Variants in KCNIP4 observed in about 807,000 individuals in gnomAD.
The protein encoded by KCNIP4 is potassium voltage-gated channel interacting protein 4, also known as Kv channel-interacting protein 4.
In KCNIP4, 12 loss-of-function variants were observed where a neutral mutation model predicts 34.0. That is an observed-to-expected ratio of 0.35 (90% CI 0.23 to 0.57). KCNIP4 has a LOEUF of 0.57. KCNIP4 is among the 20% of genes least tolerant of loss of function. KCNIP4 has a pLI of 0.83. For missense variants in KCNIP4, 238 were observed against 311.7 expected (o/e 0.76, Z 1.78); for synonymous variants, 124 against 102.2 (o/e 1.21, Z -1.29).
chr4:21,262,296 G>T (rs142790118), intron 1 of KCNIP4, among the ~76,000 whole-genome samples: 2 of 152,090 alleles, frequency 1.3e-5, no homozygotes, highest in African/African-American at 4.8e-5. Context: ...ATCACCTTGG[G>T]TTGCCCTCTT....
At position 20,803,470 on chromosome 4, in the gene KCNIP4, C is replaced by CAAAAAAA. The variant is rs551176038; in HGVS notation, c.289-44587_289-44581dup. Among the ~76,000 whole-genome samples the CAAAAAAA allele has an allele frequency of 3.7e-4, 32 of 85,884 alleles. 2 individuals are homozygous for CAAAAAAA. The highest frequency in any genetic ancestry group is 6.7e-4 in the African/African-American group (13 of 19,418). The allele number at this position is 85,884 out of a possible 152,430, so 56.3% of individuals were successfully genotyped here. Reference sequence around the variant, plus strand: ...GAACATGGCAAAACCTCATCTTTACCAAAAAAAAAAAAAAAAAAAAAAAAA... The same window carrying CAAAAAAA: ...GAACATGGCAAAACCTCATCTTTACCAAAAAAAAAAAAAAAAAAAAAAAAAAAAAAAA... On this transcript the variant is annotated intron_variant, in intron 3 of 8. Transcript: ENST00000382152.
chr4:20,934,979 G>A (rs1019678105), intron 1 of KCNIP4, among the ~76,000 whole-genome samples: 2 of 152,126 alleles, frequency 1.3e-5, no homozygotes, highest in African/African-American at 4.8e-5. Flanking sequence ...CTGACTTTAA[G>A]CAACATCACT....
chr4:21,305,609 T>G (rs1712373889), intron 1 of KCNIP4, among the ~76,000 whole-genome samples: 2 of 152,214 alleles, frequency 1.3e-5, no homozygotes, highest in Admixed American at 1.3e-4. Flanking sequence ...AGAACAAAGT[T>G]GAAGCTCCTT....
At chr4:21,028,871 T>C (rs1740769278) in intron 1 of KCNIP4, among the ~76,000 whole-genome samples, 1 of 152,164 alleles carries the variant, frequency 6.6e-6, no homozygotes, top group Non-Finnish European at 1.5e-5. Flanking sequence ...TTCCAACCAA[T>C]GTAGTTTGGA....
intron 1 of KCNIP4, among the ~76,000 whole-genome samples, chr4:21,861,892 C>T (rs1725099018): frequency 6.6e-6 from 1 of 152,094 alleles, no homozygotes; most frequent in South Asian, 2.1e-4. Context: ...GAGTAAAACC[C>T]CATCTTAACC....
At chr4:21,759,866 C>G (rs1717927091) in intron 1 of KCNIP4, among the ~76,000 whole-genome samples, 1 of 151,968 alleles carries the variant, frequency 6.6e-6, no homozygotes, top group Non-Finnish European at 1.5e-5. Flanking sequence ...AATTATAACA[C>G]AAGTCAAAGT....
intron 1 of KCNIP4, among the ~76,000 whole-genome samples, chr4:21,671,570 A>C (rs1418458954): frequency 6.6e-6 from 1 of 152,170 alleles, no homozygotes; most frequent in Non-Finnish European, 1.5e-5. Flanking sequence ...ATCACATTTC[A>C]ACTGTCATCA....
intron 1 of KCNIP4, among the ~76,000 whole-genome samples, chr4:21,395,047 A>C (rs1343606773): frequency 1.3e-5 from 2 of 152,178 alleles, no homozygotes; most frequent in African/African-American, 4.8e-5. Context: ...TGAATATAGA[A>C]AACTTAACAC....
intron 1 of KCNIP4, among the ~76,000 whole-genome samples, chr4:21,168,081 G>A (rs1405465329): frequency 3.9e-5 from 6 of 152,226 alleles, no homozygotes; most frequent in African/African-American, 1.4e-4. Context: ...TTAAATAAAA[G>A]GTGTTTCTAA....
chr4:21,555,041 G>C (rs888821658), intron 1 of KCNIP4, among the ~76,000 whole-genome samples: 1 of 152,016 alleles, frequency 6.6e-6, no homozygotes, highest in East Asian at 1.9e-4. Context: ...ATTAGCATCA[G>C]GACACAATGA....
chr4:21,452,127 G>A (rs866458510), intron 1 of KCNIP4, among the ~76,000 whole-genome samples: 2 of 151,832 alleles, frequency 1.3e-5, no homozygotes, highest in African/African-American at 2.4e-5. Context: ...GGCACTGAGG[G>A]GATCTGTGAT....
Position 21,730,533 on chromosome 4 carries a change from T to C in KCNIP4, c.61+218038A>G, listed in dbSNP as rs1403750038. On this transcript the variant is annotated intron_variant, in intron 1 of 8. Transcript: ENST00000382152. ...CAGTGACGGCCAGACAGGATATATA[T>C]TGGGGGTGAGGTCTTTGCAAGGAAG... is the stretch of plus-strand genomic sequence containing the variant. Among the ~76,000 whole-genome samples the C allele has an allele frequency of 3.9e-5, 6 of 152,040 alleles. No individual in the cohort carries two copies. The South Asian group carries it at 1.0e-3, about 26-fold the overall frequency.
At chr4:21,370,088 A>AAGTGC (rs1354441543) in intron 1 of KCNIP4, among the ~76,000 whole-genome samples, 1 of 147,438 alleles carries the variant, frequency 6.8e-6, no homozygotes, top group Admixed American at 6.6e-5. Context: ...CGGCCTCCCG[A>AAGTGC]AGTGCTGGGA....
intron 1 of KCNIP4, among the ~76,000 whole-genome samples, chr4:21,907,032 A>T (rs1406508482): frequency 6.6e-6 from 1 of 152,088 alleles, no homozygotes; most frequent in East Asian, 1.9e-4. Context: ...CTATGGATGG[A>T]CACTAAAGTA....
intron 1 of KCNIP4, among the ~76,000 whole-genome samples, chr4:21,904,676 G>A (rs1022368173): frequency 3.3e-5 from 5 of 152,256 alleles, no homozygotes; most frequent in South Asian, 2.1e-4. Flanking sequence ...AGCCTATTTC[G>A]CTGGGTGAGA....
At chr4:21,862,095 T>C (rs4697243) in intron 1 of KCNIP4, among the ~76,000 whole-genome samples, 111,077 of 152,068 alleles carry the variant, frequency 0.73, 45,241 homozygotes, top group East Asian at 0.89. Flanking sequence ...TGGACCATAC[T>C]CTCACATCAT....
intron 1 of KCNIP4, among the ~76,000 whole-genome samples, chr4:21,728,497 C>G (rs189774621): frequency 1.3e-5 from 2 of 152,262 alleles, no homozygotes; most frequent in Admixed American, 1.3e-4. Flanking sequence ...TCTGCCCTTG[C>G]TGCCTTACAG....
At chr4:20,874,636 CT>C (rs534810504) in intron 2 of KCNIP4, among the ~76,000 whole-genome samples, 11 of 150,814 alleles carry the variant, frequency 7.3e-5, no homozygotes, top group Non-Finnish European at 1.3e-4. Context: ...CGCAATTTTC[CT>C]TTTTTCACTA....
chr4:21,399,659 C>CT lies in KCNIP4; in HGVS notation c.62-516951dup, dbSNP rs11317039. On this transcript the variant is annotated intron_variant, in intron 1 of 8. Coordinates refer to ENST00000382152, the MANE Select transcript of KCNIP4 (RefSeq NM_025221.6). ...TGAATTTCAGATAAACAGTGAATAA[C>CT]TTTTTTTTTTTTTTTGAGATGGAGT... Among the ~76,000 whole-genome samples, 38 of 140,902 alleles carry CT rather than the reference C, an allele frequency of 2.7e-4. 1 individual carries two copies. Among genetic ancestry groups the CT allele is most frequent in the East Asian group, 4.2e-4 (2 of 4,812 alleles). The allele number at this position is 140,902 out of a possible 152,430, so 92.4% of individuals were successfully genotyped here.
Sources: gnomAD v4.1 joint callset for allele counts (sites outside exome capture counted in the v4.1 genomes callset) on GRCh38, gnomAD v4.1.1 for gene constraint, MANE v1.5 for transcripts, NCBI Gene and HGNC (gene_info 2026-07-23, HGNC 2026-07-21) for gene names.